The following TTC3 variants were observed in gnomAD, a reference collection of about 807,000 sequenced individuals.
The protein encoded by TTC3 is tetratricopeptide repeat domain 3, also known as E3 ubiquitin-protein ligase TTC3.
Under a neutral mutation model 249.6 loss-of-function variants are expected in TTC3, and 180 were observed. The observed-to-expected ratio is 0.72, with a 90% CI of 0.64 to 0.82. The LOEUF (loss-of-function observed/expected upper bound fraction) is 0.82. TTC3 is among the 40% of genes least tolerant of loss of function. The pLI, the probability that TTC3 is intolerant of heterozygous loss-of-function variation, is 0.00. For missense variants in TTC3, 2,061 were observed against 2,398.4 expected (o/e 0.86, Z 2.94); for synonymous variants, 717 against 805.0 (o/e 0.89, Z 1.85).
intron 13 of TTC3, 42 bp from the exon 14 acceptor site, chr21:37,124,577 C>T (rs763663226): frequency 1.5e-5 from 24 of 1,595,308 alleles, no homozygotes; most frequent in Non-Finnish European, 2.0e-5. Context: ...CAAAGGATAA[C>T]TTTCAAAAAA....
chr21:37,091,437 T>C (rs751297740), intron 7 of TTC3, 24 bp downstream of exon 7: 3 of 1,581,140 alleles, frequency 1.9e-6, no homozygotes, highest in South Asian at 1.2e-5. Context: ...CTTTAAATTG[T>C]TACTTGACTC....
At chr21:37,153,569 TACAC>T (rs1014581510) in intron 27 of TTC3, among the ~76,000 whole-genome samples, 41 of 152,086 alleles carry the variant, frequency 2.7e-4, no homozygotes, top group Non-Finnish European at 4.9e-4. Context: ...GAAAAACTAT[TACAC>T]ACACACGCAC....
Position 37,169,804 on chromosome 21 carries a change from C to T in TTC3, c.4467+2184C>T, listed in dbSNP as rs146377822. ...CACAGGTTGCAGTGAGCCAAGATTG[C>T]GCCACTGCACTCTAGCCCGGGCGAC... On this transcript the variant is annotated intron_variant, in intron 34 of 45. Coordinates refer to ENST00000355666, the Ensembl canonical transcript of TTC3. 8.4e-3 allele frequency among the ~76,000 whole-genome samples: 1,268 copies of T among 151,536 alleles called. 11 individuals are homozygous for T. The highest frequency in any genetic ancestry group is 0.051 in the Middle Eastern group (15 of 292).
intron 10 of TTC3, among the ~76,000 whole-genome samples, chr21:37,101,804 GA>G (rs2147760961): frequency 6.6e-6 from 1 of 151,440 alleles, no homozygotes; most frequent in Non-Finnish European, 1.5e-5. Context: ...TTAAGTCTTG[GA>G]GCTTGTTTTG....
chr21:37,185,801 A>G (rs1259919580), intron 37 of TTC3, 27 bp downstream of exon 37: 1 of 1,403,820 alleles, frequency 7.1e-7, no homozygotes, highest in East Asian at 2.8e-5. Context: ...TTTATTTTTA[A>G]TATATTTTAA....
At chr21:37,087,004 T>G in intron 1 of TTC3, 1 of 470,526 alleles carries the variant, frequency 2.1e-6, no homozygotes, top group Non-Finnish European at 3.8e-6. Context: ...CAGGTTAACT[T>G]AGAGTAGAGA....
chr21:37,202,898 C>T lies in TTC3; in HGVS notation c.*1324C>T, dbSNP rs1242644237. The T allele has an allele frequency of 1.1e-4, 17 of 152,284 alleles. 1 individual carries two copies. Among genetic ancestry groups the T allele is most frequent in the South Asian group, 6.2e-4 (3 of 4,826 alleles). 9.4% of individuals were successfully genotyped at this position (152,284 alleles called of 1,614,324 possible). A position where few individuals can be genotyped will look rare whatever the true frequency, so the allele number is the denominator to read the frequency against. On this transcript the variant is annotated 3_prime_UTR_variant, in exon 46 of 46. Transcript: ENST00000355666. Reference sequence around the variant, plus strand: ...GCCTTAGTTTGAAACAGATTCTCCACGGTGGTCCCCAAAACACTGTCTGCA... The same window carrying T: ...GCCTTAGTTTGAAACAGATTCTCCATGGTGGTCCCCAAAACACTGTCTGCA...
chr21:37,079,786 G>A (rs1006145951), intron 1 of TTC3, among the ~76,000 whole-genome samples: 5 of 151,734 alleles, frequency 3.3e-5, no homozygotes, highest in South Asian at 2.1e-4. Context: ...TGCCCACCTC[G>A]GCCTCCCAAA....
exon 1 of TTC3, chr21:37,073,353 C>T (rs1171831291): frequency 3.3e-6 from 3 of 908,574 alleles, no homozygotes; most frequent in Non-Finnish European, 4.0e-6. Flanking sequence ...GGCTCGCGGG[C>T]GGCGGGCCCG....
chr21:37,087,147 G>C lies in TTC3; in HGVS notation c.-11-100G>C. ...ATAGGAGTTATTTCCTTGGGCATAG[G>C]TTCCAAGTATTTTTCTAATATACCA... On this transcript the variant is annotated intron_variant, in intron 1 of 45. Transcript: ENST00000355666. 2.2e-6 allele frequency: 3 copies of C among 1,351,364 alleles called. 1 individual carries two copies. In the South Asian group the frequency reaches 4.2e-5, roughly 19 times the overall value. 83.7% of individuals were successfully genotyped at this position (1,351,364 alleles called of 1,614,324 possible).
rs764756316 is a variant in TTC3, at chr21:37,156,829, T to G, written c.2915T>G (p.Leu972Ter). ...GCATCATTGAAGGAAGCCCGTTGTTTAATATGGCTGCTAGAAGAACACAGA... is the reference window on the plus strand; with the variant it reads ...GCATCATTGAAGGAAGCCCGTTGTTGAATATGGCTGCTAGAAGAACACAGA... Residue 972 changes from leucine to a stop codon, truncating the protein, a stop_gained, in exon 28 of 46, where the codon TTA becomes TGA. Coordinates refer to ENST00000355666, the Ensembl canonical transcript of TTC3. LOFTEE classifies it high-confidence loss of function. 1.2e-6 allele frequency: 2 copies of G among 1,614,114 alleles called. No individual in the cohort carries two copies. The highest frequency in any genetic ancestry group is 1.7e-6 in the Non-Finnish European group (2 of 1,180,008).
intron 17 of TTC3, among the ~76,000 whole-genome samples, chr21:37,133,675 T>C (rs574023458): frequency 6.6e-6 from 1 of 152,278 alleles, no homozygotes; most frequent in African/African-American, 2.4e-5. Flanking sequence ...GCTGGAGCTT[T>C]CAGGACAGAT....
At chr21:37,088,588 TGG>T (rs67875417) in intron 4 of TTC3, among the ~76,000 whole-genome samples, 5 of 151,870 alleles carry the variant, frequency 3.3e-5, no homozygotes, top group African/African-American at 1.2e-4. Context: ...GGAATTAACA[TGG>T]GTGTTTATAA....
intron 35 of TTC3, among the ~76,000 whole-genome samples, chr21:37,174,061 G>A (rs189437362): frequency 9.5e-4 from 144 of 152,350 alleles, no homozygotes; most frequent in African/African-American, 3.3e-3. Context: ...CTTAAAGGTA[G>A]CATTCAGCCG....
chr21:37,083,636 A>G (rs2835575), intron 1 of TTC3: 69,809 of 153,066 alleles, frequency 0.46, 16,452 homozygotes, highest in Non-Finnish European at 0.52. Context: ...CAGTAAAATG[A>G]CATGTAGAAC....
intron 35 of TTC3, among the ~76,000 whole-genome samples, chr21:37,182,508 A>G (rs1005563846): frequency 6.6e-6 from 1 of 152,224 alleles, no homozygotes; most frequent in Non-Finnish European, 1.5e-5. Flanking sequence ...AAGTGTGAAC[A>G]CTTCTGGGCA....
chr21:37,091,922 C>G (rs2073330536), intron 7 of TTC3, among the ~76,000 whole-genome samples: 1 of 152,122 alleles, frequency 6.6e-6, no homozygotes, highest in Non-Finnish European at 1.5e-5. Flanking sequence ...TCTATATTTT[C>G]TGTCTTAATT....
At chr21:37,202,104 G>A (rs2085551967) in exon 46 of TTC3, 1 of 152,142 alleles carries the variant, frequency 6.6e-6, no homozygotes, top group Admixed American at 6.5e-5. Context: ...ATAATTTATA[G>A]TTAATGTTAA....
intron 29 of TTC3, 125 bp downstream of exon 29, chr21:37,159,870 T>TA: frequency 1.2e-6 from 1 of 835,010 alleles, no homozygotes; most frequent in Non-Finnish European, 1.9e-6. Context: ...TAAAAGGACG[T>TA]CTGGGTAGTA....
Sources: allele counts gnomAD v4.1 joint callset (sites outside exome capture counted in the v4.1 genomes callset), GRCh38; gene constraint gnomAD v4.1.1; transcripts MANE v1.5; gene names NCBI Gene and HGNC (gene_info 2026-07-23, HGNC 2026-07-21).